The following VWC2L variants were observed in gnomAD, a reference collection of about 807,000 sequenced individuals.
The protein encoded by VWC2L is von Willebrand factor C domain-containing protein 2-like.
In VWC2L, 10 loss-of-function variants were observed where a neutral mutation model predicts 21.6. That is an observed-to-expected ratio of 0.46 (90% confidence interval 0.29 to 0.78). The LOEUF is 0.78. Ranked by LOEUF, VWC2L falls within the 30% of genes least tolerant of loss-of-function variation. VWC2L has a pLI of 0.10. For synonymous variants in VWC2L, 96 were observed against 94.3 expected (o/e 1.02, Z -0.10); for missense variants, 209 against 277.1 (o/e 0.75, Z 1.74).
chr2:214,442,334 A>G (rs1419614831), intron 3 of VWC2L, among the ~76,000 whole-genome samples: 1 of 152,240 alleles, frequency 6.6e-6, no homozygotes, highest in African/African-American at 2.4e-5. Context: ...GAAAAGAGCT[A>G]AAGTCTTTAA....
At chr2:214,428,879 G>T (rs1267929437) in intron 2 of VWC2L, among the ~76,000 whole-genome samples, 1 of 151,018 alleles carries the variant, frequency 6.6e-6, no homozygotes, top group Non-Finnish European at 1.5e-5. Context: ...AATACAAATG[G>T]GTTTGGTTGT....
chr2:214,515,812 C>G (rs1689132816), intron 3 of VWC2L, among the ~76,000 whole-genome samples: 1 of 152,194 alleles, frequency 6.6e-6, no homozygotes, highest in South Asian at 2.1e-4. Context: ...ATCTCGGCCT[C>G]CCAAAGTGCT....
chr2:214,423,100 T>A (rs913810187), intron 2 of VWC2L, among the ~76,000 whole-genome samples: 1 of 152,130 alleles, frequency 6.6e-6, no homozygotes, highest in Non-Finnish European at 1.5e-5. Context: ...ATTATTGGGT[T>A]GGGATTTTGA....
intron 3 of VWC2L, among the ~76,000 whole-genome samples, chr2:214,437,698 G>A (rs1446530603): frequency 1.3e-5 from 2 of 152,024 alleles, no homozygotes; most frequent in Non-Finnish European, 2.9e-5. Context: ...TCTGAATTTG[G>A]AGCTCACCTA....
chr2:214,442,844 TAAATA>T (rs1047478075), intron 3 of VWC2L, among the ~76,000 whole-genome samples: 9 of 152,152 alleles, frequency 5.9e-5, no homozygotes, highest in Non-Finnish European at 1.0e-4. Context: ...GGGGAAATCT[TAAATA>T]AAATACCATT....
intron 3 of VWC2L, among the ~76,000 whole-genome samples, chr2:214,528,460 GTT>G (rs1689378074): frequency 6.6e-6 from 1 of 152,086 alleles, no homozygotes; most frequent in Admixed American, 6.6e-5. Flanking sequence ...AGCCTTTCAT[GTT>G]TCTCAAGACA....
chr2:214,419,796 A>T (rs1350916899), intron 2 of VWC2L, among the ~76,000 whole-genome samples: 1 of 152,182 alleles, frequency 6.6e-6, no homozygotes, highest in Non-Finnish European at 1.5e-5. Context: ...GCCTGTTTTC[A>T]GGATGCCAAG....
chr2:214,496,277 AG>A lies in VWC2L; in HGVS notation c.520+59520del, dbSNP rs1688812377. On this transcript the variant is annotated intron_variant, in intron 3 of 3. Transcript: ENST00000312504. Reference sequence around the variant, plus strand: ...ACAACTCTCATATAAGTAACTCATCAGTGACTGAAACTTTATGTGGCACATG... The same window carrying A: ...ACAACTCTCATATAAGTAACTCATCATGACTGAAACTTTATGTGGCACATG... 9.5e-5 allele frequency among the ~76,000 whole-genome samples: 10 copies of A among 105,810 alleles called. No individual in the cohort carries two copies. In the Admixed American group the frequency reaches 9.8e-4, roughly 10 times the overall value. 69.4% of individuals were successfully genotyped at this position (105,810 alleles called of 152,430 possible). A position where few individuals can be genotyped will look rare whatever the true frequency, so the allele number is the denominator to read the frequency against.
At chr2:214,526,342 A>C (rs1689337549) in intron 3 of VWC2L, among the ~76,000 whole-genome samples, 1 of 152,168 alleles carries the variant, frequency 6.6e-6, no homozygotes, top group Non-Finnish European at 1.5e-5. Context: ...CACCATGTAG[A>C]AACTTGGTTA....
chr2:214,549,809 T>G (rs1689765082), intron 3 of VWC2L, among the ~76,000 whole-genome samples: 1 of 152,124 alleles, frequency 6.6e-6, no homozygotes, highest in African/African-American at 2.4e-5. Flanking sequence ...AAAGTTGGCC[T>G]AGGCATATAT....
At chr2:214,489,625 T>C (rs888863868) in intron 3 of VWC2L, among the ~76,000 whole-genome samples, 3 of 152,186 alleles carry the variant, frequency 2.0e-5, no homozygotes, top group Non-Finnish European at 2.9e-5. Context: ...TTCACTGAGA[T>C]AGGGAGCTCT....
chr2:214,471,880 A>G (rs1021792967), intron 3 of VWC2L, among the ~76,000 whole-genome samples: 5 of 152,204 alleles, frequency 3.3e-5, no homozygotes, highest in Admixed American at 3.3e-4. Context: ...CCCAGCTCCA[A>G]TGGGCTTAAA....
chr2:214,522,337 T>G (rs1689255893), intron 3 of VWC2L, among the ~76,000 whole-genome samples: 1 of 136,742 alleles, frequency 7.3e-6, no homozygotes, highest in Admixed American at 8.4e-5. Context: ...ATCGCGCCAC[T>G]GCACTCCAGG....
chr2:214,422,280 G>C (rs1347937526), intron 2 of VWC2L, among the ~76,000 whole-genome samples: 1 of 147,468 alleles, frequency 6.8e-6, no homozygotes, highest in African/African-American at 2.5e-5. Context: ...GATTTTAATT[G>C]CTCCATACAT....
intron 3 of VWC2L, among the ~76,000 whole-genome samples, chr2:214,484,865 A>C (rs1441225178): frequency 6.6e-6 from 1 of 152,220 alleles, no homozygotes; most frequent in African/African-American, 2.4e-5. Flanking sequence ...TGTTGATATC[A>C]AAATTCCATA....
chr2:214,454,113 C>T (rs539177802), intron 3 of VWC2L, among the ~76,000 whole-genome samples: 1 of 151,556 alleles, frequency 6.6e-6, no homozygotes, highest in African/African-American at 2.4e-5. Flanking sequence ...TTATATATTG[C>T]TCTTGGGTTC....
chr2:214,451,304 G>GGT (rs1553586369), intron 3 of VWC2L, among the ~76,000 whole-genome samples: 1 of 93,428 alleles, frequency 1.1e-5, no homozygotes, highest in Admixed American at 9.7e-5. Context: ...TAAGTGGGTC[G>GGT]GTGTGGGGGG....
At chr2:214,538,682 A>G (rs1028152719) in intron 3 of VWC2L, among the ~76,000 whole-genome samples, 2 of 151,132 alleles carry the variant, frequency 1.3e-5, no homozygotes, top group African/African-American at 2.4e-5. Context: ...TATAATAAAC[A>G]GTATAATTTT....
chr2:214,438,026 A>G (rs953258676), intron 3 of VWC2L, among the ~76,000 whole-genome samples: 2 of 152,068 alleles, frequency 1.3e-5, no homozygotes, highest in African/African-American at 4.8e-5. Context: ...CTCACTTAGC[A>G]GAAAGAAATA....
Sources: allele counts gnomAD v4.1 joint callset (sites outside exome capture counted in the v4.1 genomes callset), GRCh38; gene constraint gnomAD v4.1.1; transcripts MANE v1.5; gene names NCBI Gene and HGNC (gene_info 2026-07-23, HGNC 2026-07-21).